EXOSC6: variants seen among roughly 807,000 people sequenced by gnomAD.
EXOSC6 encodes the protein exosome complex component MTR3.
In EXOSC6, 21 loss-of-function variants were observed where a neutral mutation model predicts 16.7. The observed-to-expected ratio is 1.26, with a 90% CI of 0.89 to 1.82. The LOEUF (loss-of-function observed/expected upper bound fraction) is 1.82. EXOSC6 is among the 40% of genes most tolerant of loss of function. The pLI, the probability that EXOSC6 is intolerant of heterozygous loss-of-function variation, is 0.00. For synonymous variants in EXOSC6, 297 were observed against 217.1 expected (o/e 1.37, Z -3.24); for missense variants, 538 against 415.7 (o/e 1.29, Z -2.56).
rs1239443191 is a variant in EXOSC6 at position 70,248,419 on chromosome 16, G to C, written c.*2663C>G. The C allele has an allele frequency of 2.0e-5, 3 of 151,984 alleles. No individual in the cohort carries two copies. Among genetic ancestry groups the C allele is most frequent in the Non-Finnish European group, 2.9e-5 (2 of 68,020 alleles). The allele number at this position is 151,984 out of a possible 1,614,324, so 9.4% of individuals were successfully genotyped here. A position where few individuals can be genotyped will look rare whatever the true frequency, so the allele number is the denominator to read the frequency against. On this transcript the variant is annotated 3_prime_UTR_variant, in exon 1 of 1. Coordinates refer to ENST00000435634, the MANE Select transcript of EXOSC6 (RefSeq NM_058219.3). The stretch of plus-strand genomic sequence containing the variant: ...TATGAAATTATTATCGTATTTACAG[G>C]TATTTATTTTACTGGTGCATCTATC...
At position 70,251,083 on chromosome 16, in the gene EXOSC6, C is replaced by G; in HGVS notation, c.818G>C (p.Ter273SerextTer38). 3.4e-6 allele frequency: 5 copies of G among 1,472,732 alleles called. No homozygotes were observed. Among genetic ancestry groups the G allele is most frequent in the Admixed American group, 2.5e-5 (1 of 40,110 alleles). 91.2% of individuals were successfully genotyped at this position (1,472,732 alleles called of 1,614,324 possible). A position where few individuals can be genotyped will look rare whatever the true frequency, so the allele number is the denominator to read the frequency against. The change falls in exon 1 of 1, where the codon TGA becomes TCA. Residue 273 changes from the stop codon to serine, a stop_lost. Coordinates refer to ENST00000435634, the MANE Select transcript of EXOSC6 (RefSeq NM_058219.3). The part of the protein sequence containing the change: ...ARRRGAAAQP[*>S] ...TCCGTAGTTGCTCAGGCTTCTGGTTCAGGGCTGGGCGGCGGCGCCCCTGCG... is the reference window on the plus strand; with the variant it reads ...TCCGTAGTTGCTCAGGCTTCTGGTTGAGGGCTGGGCGGCGGCGCCCCTGCG...
rs1275138159 is a variant in EXOSC6 at position 70,251,563 on chromosome 16, G to A, written c.338C>T (p.Pro113Leu). 2.6e-6 allele frequency: 3 copies of A among 1,135,782 alleles called. No homozygotes were observed. The highest frequency in any genetic ancestry group is 3.2e-6 in the Non-Finnish European group (3 of 928,658). The allele number at this position is 1,135,782 out of a possible 1,614,324, so 70.4% of individuals were successfully genotyped here. A position where few individuals can be genotyped will look rare whatever the true frequency, so the allele number is the denominator to read the frequency against. Residue 113 changes from proline to leucine, a missense_variant, in exon 1 of 1, where the codon CCC becomes CTC. By Grantham distance (98) the Pro-to-Leu change is moderately conservative. Transcript: ENST00000435634. Reference sequence around the variant, plus strand: ...CTCACGCTCCTCGCAGCCGCCCGGGGGAGCGCGGCGCCGGCGGCCCGCGAA... The same window carrying A: ...CTCACGCTCCTCGCAGCCGCCCGGGAGAGCGCGGCGCCGGCGGCCCGCGAA... ...APFAGRRRRA[P>L]PGGCEERELA...
At position 70,251,563 on chromosome 16, in the gene EXOSC6, G is replaced by C; in HGVS notation, c.338C>G (p.Pro113Arg). The part of the protein sequence containing the change: ...APFAGRRRRA[P>R]PGGCEERELA... Reference sequence around the variant, plus strand: ...CTCACGCTCCTCGCAGCCGCCCGGGGGAGCGCGGCGCCGGCGGCCCGCGAA... The same window carrying C: ...CTCACGCTCCTCGCAGCCGCCCGGGCGAGCGCGGCGCCGGCGGCCCGCGAA... The change falls in exon 1 of 1, where the codon CCC becomes CGC. Residue 113 changes from proline to arginine, a missense_variant. Transcript: ENST00000435634. The C allele has an allele frequency of 8.8e-7, 1 of 1,135,890 alleles. No individual in the cohort carries two copies. Among genetic ancestry groups the C allele is most frequent in the South Asian group, 4.1e-5 (1 of 24,340 alleles). The allele number at this position is 1,135,890 out of a possible 1,614,324, so 70.4% of individuals were successfully genotyped here. A position where few individuals can be genotyped will look rare whatever the true frequency, so the allele number is the denominator to read the frequency against.
Position 70,251,677 on chromosome 16 carries a change from C to T in EXOSC6, c.224G>A (p.Gly75Asp). 1.6e-6 allele frequency: 2 copies of T among 1,239,600 alleles called. No homozygotes were observed. Among genetic ancestry groups the T allele is most frequent in the Non-Finnish European group, 2.0e-6 (2 of 994,742 alleles). 76.8% of individuals were successfully genotyped at this position (1,239,600 alleles called of 1,614,324 possible). ...AVSGPRQAEGGERGGGPAGAG... is the reference protein window; with the variant it reads ...AVSGPRQAEGDERGGGPAGAG... The stretch of plus-strand genomic sequence containing the variant: ...TCCGGCCGGGCCGCCGCCGCGCTCG[C>T]CGCCCTCGGCCTGTCGCGGGCCCGA... The change falls in exon 1 of 1, where the codon GGC becomes GAC. Residue 75 changes from glycine (G) to aspartate (D), a missense_variant. Coordinates refer to ENST00000435634, the MANE Select transcript of EXOSC6 (RefSeq NM_058219.3).
chr16:70,251,185 T>A lies in EXOSC6; in HGVS notation c.716A>T (p.Glu239Val). 1 of 1,519,134 alleles carries A rather than the reference T, an allele frequency of 6.6e-7. No homozygotes were observed. The highest frequency in any genetic ancestry group is 8.8e-7 in the Non-Finnish European group (1 of 1,141,742). The allele number at this position is 1,519,134 out of a possible 1,614,324, so 94.1% of individuals were successfully genotyped here. A position where few individuals can be genotyped will look rare whatever the true frequency, so the allele number is the denominator to read the frequency against. ...GEGGLTESWA[E>V]AVRLGLEGCQ... Reference sequence around the variant, plus strand: ...GCCCTCGAGGCCCAGGCGTACGGCCTCCGCCCAGCTCTCTGTCAGGCCGCC... The same window carrying A: ...GCCCTCGAGGCCCAGGCGTACGGCCACCGCCCAGCTCTCTGTCAGGCCGCC... Residue 239 changes from glutamate (E) to valine (V), a missense_variant, in exon 1 of 1, where the codon GAG becomes GTG. By Grantham distance (121) the Glu-to-Val change is moderately radical (BLOSUM62 -2). Transcript: ENST00000435634.
rs1366380983 is a variant in EXOSC6, at chr16:70,251,694, C to T, written c.207G>A (p.Pro69=). 7 of 1,292,072 alleles carry T rather than the reference C, an allele frequency of 5.4e-6. No homozygotes were observed. The highest frequency in any genetic ancestry group is 5.9e-6 in the Non-Finnish European group (6 of 1,024,064). The allele number at this position is 1,292,072 out of a possible 1,614,324, so 80.0% of individuals were successfully genotyped here. ...CGCGCTCGCCGCCCTCGGCCTGTCG[C>T]GGGCCCGACACGGCACACAGCACCT... ...GTKVLCAVSG[P]RQAEGGERGG... The change falls in exon 1 of 1, where the codon CCG becomes CCA. Residue 69 remains proline, a synonymous_variant. Coordinates refer to ENST00000435634, the MANE Select transcript of EXOSC6 (RefSeq NM_058219.3).
chr16:70,251,328 G>C lies in EXOSC6; in HGVS notation c.573C>G (p.Pro191=). The change falls in exon 1 of 1, where the codon CCC becomes CCG. Residue 191 remains proline (P), a synonymous_variant. Coordinates refer to ENST00000435634, the MANE Select transcript of EXOSC6 (RefSeq NM_058219.3). ...VGCGLSLAPG[P]APTWLLDPTR... ...TGGGGTCCAGGAGCCAGGTGGGCGC[G>C]GGCCCCGGCGCGAGGCTGAGGCCGC... is the stretch of plus-strand genomic sequence containing the variant. 1.4e-6 allele frequency: 2 copies of C among 1,379,468 alleles called. No individual in the cohort carries two copies. The highest frequency in any genetic ancestry group is 9.3e-7 in the Non-Finnish European group (1 of 1,072,898). The allele number at this position is 1,379,468 out of a possible 1,614,324, so 85.5% of individuals were successfully genotyped here.
At position 70,251,905 on chromosome 16, in the gene EXOSC6, G is replaced by A. The variant is rs1959837884; in HGVS notation, c.-5C>T. 1.7e-5 allele frequency: 26 copies of A among 1,519,722 alleles called. No homozygotes were observed. The highest frequency in any genetic ancestry group is 2.7e-5 in the East Asian group (1 of 37,000). 94.1% of individuals were successfully genotyped at this position (1,519,722 alleles called of 1,614,324 possible). Reference sequence around the variant, plus strand: ...GCGGCGGTGATCCCCAGGCATGGCGGTTCTTGGCGTGCGAACCCCTTCCGC... The same window carrying A: ...GCGGCGGTGATCCCCAGGCATGGCGATTCTTGGCGTGCGAACCCCTTCCGC... On this transcript the variant is annotated 5_prime_UTR_variant, in exon 1 of 1. Coordinates refer to ENST00000435634, the MANE Select transcript of EXOSC6 (RefSeq NM_058219.3).
chr16:70,251,260 G>T lies in EXOSC6; in HGVS notation c.641C>A (p.Ala214Glu). The change falls in exon 1 of 1, where the codon GCG (alanine) becomes GAG (glutamate). Residue 214 changes from alanine (A) to glutamate (E), a missense_variant. Transcript: ENST00000435634. ...EERAAAGLTV[A>E]LMPVLNQVAG... ...CACCTGATTCAGCACAGGCATGAGC[G>T]CCACGGTGAGGCCGGCGGCGGCGCG... The T allele has an allele frequency of 1.4e-6, 2 of 1,464,642 alleles. No homozygotes were observed. Among genetic ancestry groups the T allele is most frequent in the African/African-American group, 3.0e-5 (2 of 67,768 alleles). 90.7% of individuals were successfully genotyped at this position (1,464,642 alleles called of 1,614,324 possible). A position where few individuals can be genotyped will look rare whatever the true frequency, so the allele number is the denominator to read the frequency against.
Position 70,251,473 on chromosome 16 carries a change from TGC to T in EXOSC6, c.426_427del (p.Gln143AlafsTer170), listed in dbSNP as rs1567599548. On this transcript the variant is annotated frameshift_variant, in exon 1 of 1. Transcript: ENST00000435634. LOFTEE classifies it high-confidence loss of function. ...CAGCAGCAGCGCCGACACCTCGAGC[TGC>T]GCGCGCGGGTAGCGGCCCAGGCGCA... 7.5e-7 allele frequency: 1 copy of T among 1,325,776 alleles called. No homozygotes were observed. The highest frequency in any genetic ancestry group is 9.6e-7 in the Non-Finnish European group (1 of 1,037,014). 82.1% of individuals were successfully genotyped at this position (1,325,776 alleles called of 1,614,324 possible).
chr16:70,250,966 T>A lies in EXOSC6; in HGVS notation c.*116A>T, dbSNP rs1349190639. On this transcript the variant is annotated 3_prime_UTR_variant, in exon 1 of 1. Transcript: ENST00000435634. ...AGTCAGGTCAGTCCAACCACAGTCA[T>A]ATCAGGGCCCTTCCAGGAATTCTCG... 1.2e-5 allele frequency: 16 copies of A among 1,328,924 alleles called. No individual in the cohort carries two copies. In the East Asian group the frequency reaches 4.2e-4, roughly 35 times the overall value. The allele number at this position is 1,328,924 out of a possible 1,614,324, so 82.3% of individuals were successfully genotyped here.
At position 70,251,712 on chromosome 16, in the gene EXOSC6, C is replaced by A; in HGVS notation, c.189G>T (p.Leu63=). The change falls in exon 1 of 1, where the codon CTG becomes CTT. Residue 63 remains leucine (L), a synonymous_variant. Coordinates refer to ENST00000435634, the MANE Select transcript of EXOSC6 (RefSeq NM_058219.3). The part of the protein sequence containing the change: ...AYLEAGGTKV[L]CAVSGPRQAE... ...CCTGTCGCGGGCCCGACACGGCACA[C>A]AGCACCTTGGTGCCTCCCGCCTCCA... The A allele has an allele frequency of 1.4e-6, 2 of 1,380,164 alleles. No individual in the cohort carries two copies. The highest frequency in any genetic ancestry group is 1.9e-6 in the Non-Finnish European group (2 of 1,077,316). The allele number at this position is 1,380,164 out of a possible 1,614,324, so 85.5% of individuals were successfully genotyped here.
Position 70,251,161 on chromosome 16 carries a change from C to A in EXOSC6, c.740G>T (p.Gly247Val). Residue 247 changes from glycine to valine, a missense_variant, in exon 1 of 1, where the codon GGC (glycine) becomes GTC (valine). Transcript: ENST00000435634. ...WAEAVRLGLE[G>V]CQRLYPVLQQ... is the part of the protein sequence containing the mutation. ...CAGCACGGGGTAGAGGCGCTGGCAGCCCTCGAGGCCCAGGCGTACGGCCTC... is the reference window on the plus strand; with the variant it reads ...CAGCACGGGGTAGAGGCGCTGGCAGACCTCGAGGCCCAGGCGTACGGCCTC... The A allele has an allele frequency of 6.5e-7, 1 of 1,529,982 alleles. No homozygotes were observed. The allele number at this position is 1,529,982 out of a possible 1,614,324, so 94.8% of individuals were successfully genotyped here. A position where few individuals can be genotyped will look rare whatever the true frequency, so the allele number is the denominator to read the frequency against.
At position 70,251,859 on chromosome 16, in the gene EXOSC6, C is replaced by G; in HGVS notation, c.42G>C (p.Ser14=). 6.4e-7 allele frequency: 1 copy of G among 1,553,464 alleles called. No individual in the cohort carries two copies. The highest frequency in any genetic ancestry group is 1.8e-5 in the Admixed American group (1 of 55,004). Reference sequence around the variant, plus strand: ...CGGCCGCGTACAGCTGCGGCGGCTGCGATTCTTCAGGGCCGCGGATGCGGC... The same window carrying G: ...CGGCCGCGTACAGCTGCGGCGGCTGGGATTCTTCAGGGCCGCGGATGCGGC... ...DHRRIRGPEE[S]QPPQLYAADE... Residue 14 remains serine, a synonymous_variant, in exon 1 of 1, where the codon TCG becomes TCC. Transcript: ENST00000435634.
At position 70,251,765 on chromosome 16, in the gene EXOSC6, G is replaced by A; in HGVS notation, c.136C>T (p.Leu46=). Residue 46 remains leucine, a synonymous_variant, in exon 1 of 1, where the codon CTG becomes TTG. Coordinates refer to ENST00000435634, the MANE Select transcript of EXOSC6 (RefSeq NM_058219.3). ...TAGGCCGAGCCCTTGGCCTGGCTCA[G>A]CAGCCCGGCGCGCGCGTACACGGGC... ...LRPVYARAGL[L]SQAKGSAYLE... The A allele has an allele frequency of 7.0e-7, 1 of 1,437,536 alleles. No individual in the cohort carries two copies. The highest frequency in any genetic ancestry group is 2.9e-5 in the Admixed American group (1 of 34,840). The allele number at this position is 1,437,536 out of a possible 1,614,324, so 89.0% of individuals were successfully genotyped here.
Position 70,246,806 on chromosome 16 carries a change from T to G in EXOSC6, c.*4276A>C. ...CTGACAACAATGAAATAGTTTATTT[T>G]CTTCAAATATTTTAAGGTACGAACG... is the stretch of plus-strand genomic sequence containing the variant. On this transcript the variant is annotated 3_prime_UTR_variant, in exon 1 of 1. Transcript: ENST00000435634. The G allele has an allele frequency of 1.7e-6, 1 of 583,052 alleles. No homozygotes were observed. Among genetic ancestry groups the G allele is most frequent in the Non-Finnish European group, 3.0e-6 (1 of 332,742 alleles). 36.1% of individuals were successfully genotyped at this position (583,052 alleles called of 1,614,324 possible).
chr16:70,249,043 AG>A lies in EXOSC6; in HGVS notation c.*2038del. ...AAAAAAAAAAAAAAACCCTAATATC[AG>A]ATATTCCAGACACAACAATACCATA... On this transcript the variant is annotated 3_prime_UTR_variant, in exon 1 of 1. Coordinates refer to ENST00000435634, the MANE Select transcript of EXOSC6 (RefSeq NM_058219.3). 1 of 143,698 alleles carries A rather than the reference AG, an allele frequency of 7.0e-6. No homozygotes were observed. Among genetic ancestry groups the A allele is most frequent in the African/African-American group, 2.8e-5 (1 of 36,306 alleles). 8.9% of individuals were successfully genotyped at this position (143,698 alleles called of 1,614,324 possible). A position where few individuals can be genotyped will look rare whatever the true frequency, so the allele number is the denominator to read the frequency against.
Position 70,250,970 on chromosome 16 carries a change from A to T in EXOSC6, c.*112T>A. 7.5e-7 allele frequency: 1 copy of T among 1,340,106 alleles called. No individual in the cohort carries two copies. The allele number at this position is 1,340,106 out of a possible 1,614,324, so 83.0% of individuals were successfully genotyped here. A position where few individuals can be genotyped will look rare whatever the true frequency, so the allele number is the denominator to read the frequency against. ...AGGTCAGTCCAACCACAGTCATATC[A>T]GGGCCCTTCCAGGAATTCTCGACGC... On this transcript the variant is annotated 3_prime_UTR_variant, in exon 1 of 1. Coordinates refer to ENST00000435634, the MANE Select transcript of EXOSC6 (RefSeq NM_058219.3).
rs889398032 is a variant in EXOSC6, at chr16:70,249,550, G to A, written c.*1532C>T. On this transcript the variant is annotated 3_prime_UTR_variant, in exon 1 of 1. Coordinates refer to ENST00000435634, the MANE Select transcript of EXOSC6 (RefSeq NM_058219.3). ...AAACCAAAAGGCTCAGAAAGACGTC[G>A]TGATATTTAGTTCTTGTCTCCCTCT... is the stretch of plus-strand genomic sequence containing the variant. 12 of 152,166 alleles carry A rather than the reference G, an allele frequency of 7.9e-5. No homozygotes were observed. The highest frequency in any genetic ancestry group is 2.7e-4 in the African/African-American group (11 of 41,432). The allele number at this position is 152,166 out of a possible 1,614,324, so 9.4% of individuals were successfully genotyped here. A position where few individuals can be genotyped will look rare whatever the true frequency, so the allele number is the denominator to read the frequency against.
Sources: allele counts gnomAD v4.1 joint callset, GRCh38; gene constraint gnomAD v4.1.1; transcripts MANE v1.5; gene names NCBI Gene and HGNC (gene_info 2026-07-23, HGNC 2026-07-21).